The following HDAC4 variants were observed in gnomAD, a reference collection of about 807,000 sequenced individuals.
HDAC4 encodes histone deacetylase 4, also known as histone deacetylase A.
A neutral mutation model predicts 135.1 loss-of-function variants in HDAC4; 16 were observed. The observed-to-expected ratio is 0.12, with a 90% CI of 0.08 to 0.18. The LOEUF (loss-of-function observed/expected upper bound fraction) is 0.18. Ranked by LOEUF, HDAC4 falls within the 10% of genes least tolerant of loss-of-function variation. The pLI is 1.00. For missense variants in HDAC4, 1,143 were observed against 1,511.8 expected (o/e 0.76, Z 4.05); for synonymous variants, 685 against 653.4 (o/e 1.05, Z -0.74).
chr2:239,367,265 G>A (rs1180303685), intron 1 of HDAC4, among the ~76,000 whole-genome samples: 1 of 152,174 alleles, frequency 6.6e-6, no homozygotes, highest in African/African-American at 2.4e-5. Context: ...GAGAGCCGGT[G>A]TGAGAAGCAG....
intron 1 of HDAC4, among the ~76,000 whole-genome samples, chr2:239,377,629 G>A (rs1454858498): frequency 1.3e-5 from 2 of 152,330 alleles, no homozygotes; most frequent in East Asian, 1.9e-4. Flanking sequence ...GCCGAGGTGC[G>A]GGCAGGAGGC....
At chr2:239,076,292 G>A (rs375261211) in intron 22 of HDAC4, among the ~76,000 whole-genome samples, 3 of 152,216 alleles carry the variant, frequency 2.0e-5, no homozygotes, top group African/African-American at 4.8e-5. Flanking sequence ...CTGCTTCCTC[G>A]AAAGGCCATC....
intron 1 of HDAC4, among the ~76,000 whole-genome samples, chr2:239,361,532 C>T (rs1693867441): frequency 6.6e-6 from 1 of 152,198 alleles, no homozygotes; most frequent in Non-Finnish European, 1.5e-5. Flanking sequence ...TTCACATTCC[C>T]TCATGAAGAT....
At chr2:239,297,886 T>C (rs1441781022) in intron 2 of HDAC4, among the ~76,000 whole-genome samples, 1 of 152,150 alleles carries the variant, frequency 6.6e-6, no homozygotes, top group Non-Finnish European at 1.5e-5. Flanking sequence ...AGGTAAATAG[T>C]GTTCTTAGAA....
rs1043599036 is a variant in HDAC4 at position 239,052,797 on chromosome 2, C to T, written c.*300G>A. The T allele has an allele frequency of 6.9e-6, 3 of 434,330 alleles. No individual in the cohort carries two copies. Among genetic ancestry groups the T allele is most frequent in the Non-Finnish European group, 1.3e-5 (3 of 239,880 alleles). The allele number at this position is 434,330 out of a possible 1,614,324, so 26.9% of individuals were successfully genotyped here. On this transcript the variant is annotated 3_prime_UTR_variant, in exon 27 of 27. Transcript: ENST00000543185. ...GCCTGTTGCCACAGGCTCCTTTCTT[C>T]CACGGCGTCCCTTGCGGGACCCGCC...
intron 16 of HDAC4, among the ~76,000 whole-genome samples, chr2:239,098,772 A>G (rs188431859): frequency 6.6e-6 from 1 of 152,260 alleles, no homozygotes; most frequent in Non-Finnish European, 1.5e-5. Context: ...AACTCAAGAT[A>G]ATCATCAGCT....
chr2:239,330,302 T>TG (rs1371496705), intron 2 of HDAC4, among the ~76,000 whole-genome samples: 2 of 152,130 alleles, frequency 1.3e-5, no homozygotes, highest in Non-Finnish European at 2.9e-5. Context: ...GGGGACCCTG[T>TG]GCCAAAGGAA....
intron 22 of HDAC4, among the ~76,000 whole-genome samples, chr2:239,069,681 G>A (rs6761046): frequency 1.0e-5 from 1 of 95,468 alleles, no homozygotes; most frequent in Non-Finnish European, 2.3e-5. Context: ...AAGCCCCACT[G>A]CACTTGCTTG....
chr2:239,373,175 TCTAAAGAG>T (rs1694755711), intron 1 of HDAC4, among the ~76,000 whole-genome samples: 1 of 151,994 alleles, frequency 6.6e-6, no homozygotes, highest in Non-Finnish European at 1.5e-5. Flanking sequence ...CAGAACGACC[TCTAAAGAG>T]GCTGCAGCCG....
rs1470325551 is a variant in HDAC4, at chr2:239,383,597, CA to C, written c.-220+17380del. Among the ~76,000 whole-genome samples, 3 of 151,856 alleles carry C rather than the reference CA, an allele frequency of 2.0e-5. No individual in the cohort carries two copies. In the East Asian group the frequency reaches 5.8e-4, roughly 29 times the overall value. On this transcript the variant is annotated intron_variant, in intron 1 of 26. Coordinates refer to ENST00000543185, the MANE Select transcript of HDAC4 (RefSeq NM_001378414.1). The stretch of plus-strand genomic sequence containing the variant: ...AAGGAAGCAGTTAGTTTTGCAAACC[CA>C]ATACGCTCAAAGAGCGCCCGATCAA...
intron 4 of HDAC4, among the ~76,000 whole-genome samples, chr2:239,185,249 T>C (rs919332359): frequency 6.1e-5 from 9 of 147,750 alleles, no homozygotes; most frequent in Non-Finnish European, 1.2e-4. Flanking sequence ...CTGGGAAGAG[T>C]TGTGCCCTAT....
rs903326304 is a variant in HDAC4 at position 239,125,920 on chromosome 2, C to T, written c.1533+536G>A. On this transcript the variant is annotated intron_variant, in intron 12 of 26. Transcript: ENST00000543185. Reference sequence around the variant, plus strand: ...GGAGTTCTGCACCTGTACAACTGCACCCGGGCCCCCCGGCCCTGTACGCTG... The same window carrying T: ...GGAGTTCTGCACCTGTACAACTGCATCCGGGCCCCCCGGCCCTGTACGCTG... Among the ~76,000 whole-genome samples, 5 of 152,390 alleles carry T rather than the reference C, an allele frequency of 3.3e-5. No individual in the cohort carries two copies. In the East Asian group the frequency reaches 7.7e-4, roughly 23 times the overall value.
At chr2:239,132,111 G>A (rs2040628874) in intron 11 of HDAC4, among the ~76,000 whole-genome samples, 1 of 152,182 alleles carries the variant, frequency 6.6e-6, no homozygotes, top group South Asian at 2.1e-4. Context: ...AGCATGGGAG[G>A]TGGCAGGTTA....
At chr2:239,198,852 C>G (rs1381669516) in intron 3 of HDAC4, among the ~76,000 whole-genome samples, 3 of 152,138 alleles carry the variant, frequency 2.0e-5, no homozygotes, top group Admixed American at 2.0e-4. Context: ...GATCTCAGGT[C>G]CTCTGCTCAT....
In HDAC4 at chr2:239,349,264, C is replaced by T. The variant is rs577234822; in HGVS notation, c.22+3414G>A. On this transcript the variant is annotated intron_variant, in intron 2 of 26. Coordinates refer to ENST00000543185, the MANE Select transcript of HDAC4 (RefSeq NM_001378414.1). This position sits in a 1 kb window ranked among gnomAD's most constrained non-coding sequence, Gnocchi z 5.7. ...CACACGGAGGGAGGGGAGGTGCAGC[C>T]AGGTAGGCCCCGAACACCACGTTGC... is the stretch of plus-strand genomic sequence containing the variant. Among the ~76,000 whole-genome samples the T allele has an allele frequency of 1.3e-5, 2 of 152,282 alleles. No individual in the cohort carries two copies. Among genetic ancestry groups the T allele is most frequent in the East Asian group, 3.9e-4 (2 of 5,170 alleles).
At position 239,391,358 on chromosome 2, in the gene HDAC4, G is replaced by A. The variant is rs139813623; in HGVS notation, c.-220+9620C>T. 7.9e-4 allele frequency among the ~76,000 whole-genome samples: 120 copies of A among 152,296 alleles called. 1 individual carries two copies. The highest frequency in any genetic ancestry group is 1.2e-3 in the Non-Finnish European group (83 of 68,020). ...CTGTACTAAGGTCCTTCGGGGAGAC[G>A]TCCACCACACCACGACCTGCTGCAG... On this transcript the variant is annotated intron_variant, in intron 1 of 26. Coordinates refer to ENST00000543185, the MANE Select transcript of HDAC4 (RefSeq NM_001378414.1).
At chr2:239,345,133 C>A (rs1448595035) in intron 2 of HDAC4, among the ~76,000 whole-genome samples, 1 of 152,176 alleles carries the variant, frequency 6.6e-6, no homozygotes, top group Admixed American at 6.5e-5. Context: ...TTACCTCCCG[C>A]CACCTTGTTT....
At chr2:239,226,059 C>T (rs2047223571) in intron 3 of HDAC4, among the ~76,000 whole-genome samples, 1 of 152,180 alleles carries the variant, frequency 6.6e-6, no homozygotes, top group South Asian at 2.1e-4. Flanking sequence ...AGAGCCATCT[C>T]CCTCGTCCTG....
Position 239,400,651 on chromosome 2 carries a change from C to G in HDAC4, c.-220+327G>C, listed in dbSNP as rs1328969070. ...GCTGCGCGGGGCGCGGGGCGGGCGG[C>G]GGACAATGGCCCGCGGGCGCCGGGC... On this transcript the variant is annotated intron_variant, in intron 1 of 26. Transcript: ENST00000543185. The surrounding 1 kb of genome is among the most constrained non-coding windows in gnomAD (Gnocchi z 4.7). 6.8e-6 allele frequency: 1 copy of G among 146,014 alleles called. No homozygotes were observed. Among genetic ancestry groups the G allele is most frequent in the African/African-American group, 2.5e-5 (1 of 40,492 alleles). 9.0% of individuals were successfully genotyped at this position (146,014 alleles called of 1,614,324 possible).
Sources: gnomAD v4.1 joint callset for allele counts (sites outside exome capture counted in the v4.1 genomes callset) on GRCh38, gnomAD v4.1.1 for gene constraint, Gnocchi (gnomAD v3.1) non-coding constraint, MANE v1.5 for transcripts, NCBI Gene and HGNC (gene_info 2026-07-23, HGNC 2026-07-21) for gene names.